Variants in SORCS2 observed in about 807,000 individuals in gnomAD.
The protein encoded by SORCS2 is VPS10 domain-containing receptor SorCS2.
SORCS2 carries 100 observed loss-of-function variants against 141.6 expected under a neutral mutation model. That is an observed-to-expected ratio of 0.71 (90% CI 0.60 to 0.83). The LOEUF (loss-of-function observed/expected upper bound fraction) is 0.83, where lower values mean the gene tolerates loss of function less well. Among genes scored for constraint, SORCS2 ranks in the 40% least tolerant of loss-of-function variants. The pLI is 0.00. For synonymous variants in SORCS2, 789 were observed against 676.9 expected, an observed-to-expected ratio of 1.17 and a Z score of -2.57; for missense variants, 1,646 against 1,560.2, an observed-to-expected ratio of 1.05 and a Z score of -0.93.
At chr4:7,577,104 G>A (rs1272367524) in intron 3 of SORCS2, among the ~76,000 whole-genome samples, 1 of 152,212 alleles carries the variant, frequency 6.6e-6, no homozygotes, top group Non-Finnish European at 1.5e-5. Flanking sequence ...CTGTTTTAGA[G>A]AGATCACAGC....
Position 7,714,385 on chromosome 4 carries a change from G to C in SORCS2, c.2123+12G>C. On this transcript the variant is annotated intron_variant, in intron 16 of 26. Transcript: ENST00000507866. ...TCGGACTTCCTGTGGTGAGCGACGG[G>C]CTCCTGGCCACGAGGCCTCAGGCGC... 1 of 1,549,016 alleles carries C rather than the reference G, an allele frequency of 6.5e-7. No individual in the cohort carries two copies. Among genetic ancestry groups the C allele is most frequent in the Non-Finnish European group, 8.7e-7 (1 of 1,146,246 alleles).
chr4:7,417,895 G>C (rs987309322), intron 2 of SORCS2, among the ~76,000 whole-genome samples: 1 of 152,196 alleles, frequency 6.6e-6, no homozygotes, highest in Non-Finnish European at 1.5e-5. Flanking sequence ...GCCCCACCAA[G>C]GGGCAACAAG....
intron 3 of SORCS2, among the ~76,000 whole-genome samples, chr4:7,574,624 G>A (rs963720706): frequency 2.6e-5 from 4 of 152,002 alleles, no homozygotes; most frequent in Non-Finnish European, 5.9e-5. Context: ...AGGAAGGAAG[G>A]AAGGAGAGAA....
intron 2 of SORCS2, among the ~76,000 whole-genome samples, chr4:7,514,346 C>T (rs111302527): frequency 2.7e-3 from 408 of 152,182 alleles, no homozygotes; most frequent in Non-Finnish European, 4.8e-3. Context: ...TCCTTCAGGG[C>T]GGGAAGAGGC....
At position 7,654,346 on chromosome 4, in the gene SORCS2, T is replaced by C. The variant is rs1017494836; in HGVS notation, c.887+139T>C. On this transcript the variant is annotated intron_variant, in intron 5 of 26. Coordinates refer to ENST00000507866, the MANE Select transcript of SORCS2 (RefSeq NM_020777.3). Reference sequence around the variant, plus strand: ...CCATCCCGGGGCTGGGTCCCCACCGTCCACTGCCTCTGCCTGCAGCCCCAC... The same window carrying C: ...CCATCCCGGGGCTGGGTCCCCACCGCCCACTGCCTCTGCCTGCAGCCCCAC... The C allele has an allele frequency of 3.7e-6, 3 of 813,212 alleles. No homozygotes were observed. The Admixed American group carries it at 7.4e-5, about 20-fold the overall frequency. The allele number at this position is 813,212 out of a possible 1,614,324, so 50.4% of individuals were successfully genotyped here.
rs1484857511 is a variant in SORCS2 at position 7,494,218 on chromosome 4, C to T, written c.549-37312C>T. 3.3e-5 allele frequency among the ~76,000 whole-genome samples: 5 copies of T among 152,220 alleles called. No individual in the cohort carries two copies. The East Asian group carries it at 7.7e-4, about 23-fold the overall frequency. On this transcript the variant is annotated intron_variant, in intron 2 of 26. Coordinates refer to ENST00000507866, the MANE Select transcript of SORCS2 (RefSeq NM_020777.3). ...GCGTCACTTCCCATACGATGACAGA[C>T]TTTGCATGAGCTTCCCCATGAGTGG...
intron 12 of SORCS2, 149 bp downstream of exon 12, chr4:7,697,423 A>T: frequency 1.4e-6 from 1 of 724,944 alleles, no homozygotes; most frequent in South Asian, 1.9e-5. Context: ...AAGTGGCTGG[A>T]GCCAGGGCTC....
chr4:7,521,646 C>G (rs1480142271), intron 2 of SORCS2, among the ~76,000 whole-genome samples: 1 of 152,240 alleles, frequency 6.6e-6, no homozygotes, highest in African/African-American at 2.4e-5. Flanking sequence ...GTGACCGAAG[C>G]TCAGAATGAA....
chr4:7,725,059 G>A, intron 19 of SORCS2, 95 bp from the exon 20 acceptor site: 2 of 1,352,480 alleles, frequency 1.5e-6, no homozygotes, highest in Non-Finnish European at 2.0e-6. Flanking sequence ...GGTGATGATA[G>A]CAATGAAGTT....
intron 2 of SORCS2, among the ~76,000 whole-genome samples, chr4:7,519,828 T>G (rs1209941341): frequency 6.6e-6 from 1 of 151,314 alleles, no homozygotes; most frequent in Non-Finnish European, 1.5e-5. Context: ...TGGGGGCTTC[T>G]GCCGTGCTAG....
intron 1 of SORCS2, among the ~76,000 whole-genome samples, chr4:7,307,615 A>G (rs1717914490): frequency 6.6e-6 from 1 of 152,246 alleles, no homozygotes; most frequent in Non-Finnish European, 1.5e-5. Flanking sequence ...GATTGAGGTC[A>G]TCATTTCTGG....
chr4:7,669,089 G>A (rs1416606956), intron 8 of SORCS2, among the ~76,000 whole-genome samples: 2 of 152,228 alleles, frequency 1.3e-5, no homozygotes, highest in African/African-American at 4.8e-5. Context: ...GAAGCACCAG[G>A]TCATGTCTCC....
At chr4:7,657,339 G>T (rs116204251) in intron 5 of SORCS2, among the ~76,000 whole-genome samples, 1 of 152,162 alleles carries the variant, frequency 6.6e-6, no homozygotes, top group Non-Finnish European at 1.5e-5. Context: ...ATGAGTAGGT[G>T]AGTGAGTGAA....
intron 1 of SORCS2, among the ~76,000 whole-genome samples, chr4:7,204,135 A>G (rs927044982): frequency 1.1e-4 from 16 of 152,134 alleles, no homozygotes; most frequent in African/African-American, 3.6e-4. Flanking sequence ...GGGTGTGCAG[A>G]TATTTTTTCA....
chr4:7,285,057 A>C (rs1214150934), intron 1 of SORCS2, among the ~76,000 whole-genome samples: 1 of 144,954 alleles, frequency 6.9e-6, no homozygotes, highest in African/African-American at 2.5e-5. Flanking sequence ...TTTGAGATGG[A>C]GTTTCACTCT....
chr4:7,238,907 C>T (rs1712485707), intron 1 of SORCS2, among the ~76,000 whole-genome samples: 1 of 152,196 alleles, frequency 6.6e-6, no homozygotes, highest in Non-Finnish European at 1.5e-5. Flanking sequence ...GGCCTGTCAC[C>T]CCCATCACCC....
At chr4:7,633,673 C>T (rs1023374474) in intron 3 of SORCS2, among the ~76,000 whole-genome samples, 18 of 152,214 alleles carry the variant, frequency 1.2e-4, no homozygotes, top group African/African-American at 4.3e-4. Context: ...CTCCAGGCTA[C>T]TTAAATGTTC....
chr4:7,451,403 G>A (rs1379453440), intron 2 of SORCS2, among the ~76,000 whole-genome samples: 1 of 152,250 alleles, frequency 6.6e-6, no homozygotes, highest in Non-Finnish European at 1.5e-5. Context: ...GATGAGAAAT[G>A]GTTTCCAGAT....
At chr4:7,206,147 G>A (rs556599257) in intron 1 of SORCS2, among the ~76,000 whole-genome samples, 1 of 152,304 alleles carries the variant, frequency 6.6e-6, no homozygotes, top group Admixed American at 6.5e-5. Context: ...GACCCCATGG[G>A]AATGATGCAT....
Sources: gnomAD v4.1 joint callset for allele counts (sites outside exome capture counted in the v4.1 genomes callset) on GRCh38, gnomAD v4.1.1 for gene constraint, MANE v1.5 for transcripts, NCBI Gene and HGNC (gene_info 2026-07-23, HGNC 2026-07-21) for gene names.